Variants in MACROD2 observed in about 807,000 individuals in gnomAD.
MACROD2 encodes ADP-ribose glycohydrolase MACROD2.
MACROD2 carries 36 observed loss-of-function variants against 70.4 expected under a neutral mutation model. The observed-to-expected ratio is 0.51, with a 90% CI of 0.39 to 0.68. The LOEUF is 0.68. Ranked by LOEUF, MACROD2 falls within the 30% of genes least tolerant of loss-of-function variation. The probability of loss-of-function intolerance (pLI) is 0.00; values close to 1 mark genes in which losing one functional copy is unlikely to be tolerated. For missense variants in MACROD2, 496 were observed against 538.4 expected (o/e 0.92, Z 0.78); for synonymous variants, 172 against 178.8 (o/e 0.96, Z 0.30).
intron 13 of MACROD2, among the ~76,000 whole-genome samples, chr20:15,984,075 C>A (rs1413265003): frequency 1.3e-5 from 2 of 151,828 alleles, no homozygotes; most frequent in Non-Finnish European, 2.9e-5. Flanking sequence ...ACATATTTAT[C>A]TAATTTTTTA....
chr20:15,951,154 A>G (rs2065898094), intron 12 of MACROD2, among the ~76,000 whole-genome samples: 1 of 152,114 alleles, frequency 6.6e-6, no homozygotes, highest in African/African-American at 2.4e-5. Flanking sequence ...TGGTATCGGA[A>G]AAACATTCTC....
chr20:14,383,112 T>C (rs2083438785), intron 3 of MACROD2, among the ~76,000 whole-genome samples: 1 of 152,212 alleles, frequency 6.6e-6, no homozygotes. Context: ...CCACAAATTT[T>C]TCTTTTAAGT....
chr20:14,432,609 A>T (rs950897571), intron 3 of MACROD2, among the ~76,000 whole-genome samples: 8 of 152,172 alleles, frequency 5.3e-5, no homozygotes, highest in Non-Finnish European at 1.2e-4. Context: ...CTTAAAAACC[A>T]TTATGGAAGT....
At chr20:15,995,207 T>C (rs1407852441) in intron 15 of MACROD2, among the ~76,000 whole-genome samples, 1 of 152,140 alleles carries the variant, frequency 6.6e-6, no homozygotes, top group Non-Finnish European at 1.5e-5. Flanking sequence ...CCACAAATGC[T>C]TTTAATGCAC....
chr20:14,287,515 T>C (rs2082354783), intron 3 of MACROD2, among the ~76,000 whole-genome samples: 1 of 152,218 alleles, frequency 6.6e-6, no homozygotes, highest in Non-Finnish European at 1.5e-5. Flanking sequence ...GAGCATCTGT[T>C]GGTTGTGCTT....
intron 8 of MACROD2, among the ~76,000 whole-genome samples, chr20:15,828,711 C>T (rs1031738363): frequency 5.3e-5 from 8 of 152,216 alleles, no homozygotes; most frequent in African/African-American, 7.2e-5. Context: ...TTCTGGTTTT[C>T]GTCATTACAT....
intron 4 of MACROD2, among the ~76,000 whole-genome samples, chr20:14,633,377 C>G (rs1453458740): frequency 6.6e-6 from 1 of 152,158 alleles, no homozygotes; most frequent in Non-Finnish European, 1.5e-5. Flanking sequence ...TCAGCCTACT[C>G]TGGTAATCTT....
At chr20:14,676,883 A>G (rs1433901774) in intron 4 of MACROD2, among the ~76,000 whole-genome samples, 1 of 152,174 alleles carries the variant, frequency 6.6e-6, no homozygotes, top group Admixed American at 6.5e-5. Context: ...GATAAAGGGG[A>G]TATCACCACT....
chr20:14,696,174 AGATAGATAGATC>A, intron 5 of MACROD2, among the ~76,000 whole-genome samples: 1 of 152,054 alleles, frequency 6.6e-6, no homozygotes, highest in Non-Finnish European at 1.5e-5. Flanking sequence ...CTTCTTAGAT[AGATAGATAGATC>A]GATAGATAGA....
intron 5 of MACROD2, among the ~76,000 whole-genome samples, chr20:14,703,750 G>A (rs1014471288): frequency 2.0e-5 from 3 of 151,044 alleles, no homozygotes; most frequent in Admixed American, 6.6e-5. Flanking sequence ...TTTTTCAGAC[G>A]AAGTCTGGCT....
chr20:15,724,083 G>A (rs889897670), intron 8 of MACROD2, among the ~76,000 whole-genome samples: 2 of 152,000 alleles, frequency 1.3e-5, no homozygotes, highest in Non-Finnish European at 2.9e-5. Context: ...TTGTTGGTGA[G>A]GTATCAAGAT....
At chr20:14,140,022 A>G (rs1386882230) in intron 3 of MACROD2, among the ~76,000 whole-genome samples, 1 of 152,242 alleles carries the variant, frequency 6.6e-6, no homozygotes, top group Non-Finnish European at 1.5e-5. Flanking sequence ...CTCATTTTAT[A>G]TATATGCAAA....
intron 8 of MACROD2, among the ~76,000 whole-genome samples, chr20:15,543,112 A>C (rs1288630561): frequency 2.0e-5 from 3 of 152,184 alleles, no homozygotes; most frequent in Non-Finnish European, 4.4e-5. Flanking sequence ...AGCTTCCCGG[A>C]ATGTTTTATA....
intron 8 of MACROD2, among the ~76,000 whole-genome samples, chr20:15,809,789 T>G (rs2063800946): frequency 1.3e-5 from 2 of 151,666 alleles, no homozygotes; most frequent in South Asian, 2.1e-4. Context: ...TCTTAAAGCT[T>G]AAGAATAATG....
At chr20:14,157,093 A>G (rs978209579) in intron 3 of MACROD2, among the ~76,000 whole-genome samples, 3 of 152,172 alleles carry the variant, frequency 2.0e-5, no homozygotes, top group African/African-American at 4.8e-5. Flanking sequence ...TGACTTTTAG[A>G]CTGGGCAAAA....
intron 3 of MACROD2, among the ~76,000 whole-genome samples, chr20:14,086,019 A>T (rs907994649): frequency 6.6e-6 from 1 of 152,216 alleles, no homozygotes; most frequent in Non-Finnish European, 1.5e-5. Flanking sequence ...AACTTTAGCA[A>T]GTATATTATT....
At chr20:15,429,410 T>C (rs923843370) in intron 6 of MACROD2, among the ~76,000 whole-genome samples, 2 of 152,162 alleles carry the variant, frequency 1.3e-5, no homozygotes, top group African/African-American at 4.8e-5. Flanking sequence ...GAATTCACTA[T>C]TAATAGTAAA....
intron 3 of MACROD2, among the ~76,000 whole-genome samples, chr20:14,481,605 G>A (rs553288664): frequency 1.3e-4 from 20 of 152,068 alleles, no homozygotes; most frequent in Admixed American, 4.6e-4. Flanking sequence ...ATTGCTTTTT[G>A]TGGGCATTGG....
intron 3 of MACROD2, among the ~76,000 whole-genome samples, chr20:14,400,719 T>G (rs748961699): frequency 6.6e-6 from 1 of 152,204 alleles, no homozygotes; most frequent in Non-Finnish European, 1.5e-5. Flanking sequence ...ATCACTGTTC[T>G]GTACTGCCTA....
Sources: allele counts gnomAD v4.1 joint callset (sites outside exome capture counted in the v4.1 genomes callset), GRCh38; gene constraint gnomAD v4.1.1; transcripts MANE v1.5; gene names NCBI Gene and HGNC (gene_info 2026-07-23, HGNC 2026-07-21).